Variants in AGBL4 observed in about 807,000 individuals in gnomAD.
AGBL4 encodes the protein cytosolic carboxypeptidase 6.
A neutral mutation model predicts 66.4 loss-of-function variants in AGBL4; 58 were observed. That is an observed-to-expected ratio of 0.87 (90% CI 0.71 to 1.09). The LOEUF (loss-of-function observed/expected upper bound fraction) is 1.09. Among genes scored for constraint, AGBL4 ranks in the 50% least tolerant of loss-of-function variants. The probability of loss-of-function intolerance (pLI) is 0.00; values close to 1 mark genes in which losing one functional copy is unlikely to be tolerated. For synonymous variants in AGBL4, 234 were observed against 222.9 expected, an observed-to-expected ratio of 1.05 and a Z score of -0.44; for missense variants, 579 against 631.0, an observed-to-expected ratio of 0.92 and a Z score of 0.88.
At chr1:49,950,144 ATGTG>A (rs1312557863) in intron 1 of AGBL4, among the ~76,000 whole-genome samples, 1 of 144,274 alleles carries the variant, frequency 6.9e-6, no homozygotes, top group Admixed American at 7.0e-5. Flanking sequence ...ATATACACAT[ATGTG>A]TATATATATA....
intron 3 of AGBL4, among the ~76,000 whole-genome samples, chr1:49,302,395 G>C (rs1399616393): frequency 1.3e-5 from 2 of 151,508 alleles, no homozygotes; most frequent in Non-Finnish European, 2.9e-5. Context: ...TGGGACTACA[G>C]GCATACACCA....
intron 3 of AGBL4, among the ~76,000 whole-genome samples, chr1:49,520,269 G>A (rs926831358): frequency 1.3e-5 from 2 of 151,880 alleles, no homozygotes; most frequent in African/African-American, 4.8e-5. Context: ...GCTTTCAAGA[G>A]CCTATGAAAA....
intron 2 of AGBL4, among the ~76,000 whole-genome samples, chr1:49,784,182 C>T (rs1644398725): frequency 6.6e-6 from 1 of 151,962 alleles, no homozygotes; most frequent in South Asian, 2.1e-4. Flanking sequence ...AATAACCTTG[C>T]AAAAGAAGAA....
rs1167029133 is a variant in AGBL4 at position 48,634,529 on chromosome 1, TC to T, written c.914del (p.Gly305GlufsTer2). 3.7e-6 allele frequency: 6 copies of T among 1,605,974 alleles called. No individual in the cohort carries two copies. Among genetic ancestry groups the T allele is most frequent in the Non-Finnish European group, 5.1e-6 (6 of 1,176,204 alleles). On this transcript the variant is annotated frameshift_variant, in exon 9 of 14. Transcript: ENST00000371839. LOFTEE classifies it high-confidence loss of function. The part of the protein sequence containing the change: ...PSPWVHPTLH[G>X]VKQLIVQMYN... ...ACATCTGGACGATGAGTTGTTTCAC[TC>T]CATGCAGGGTAGGATGGACCCATGG...
chr1:49,594,433 GT>G (rs1280174220), intron 3 of AGBL4, among the ~76,000 whole-genome samples: 4 of 152,140 alleles, frequency 2.6e-5, no homozygotes, highest in Non-Finnish European at 5.9e-5. Context: ...GCCATGGGTG[GT>G]TTGCTGCACC....
At chr1:49,757,259 G>C (rs1283297589) in intron 2 of AGBL4, among the ~76,000 whole-genome samples, 2 of 152,210 alleles carry the variant, frequency 1.3e-5, no homozygotes, top group Non-Finnish European at 2.9e-5. Context: ...GCAAAACTGA[G>C]AGTCAATTAA....
At chr1:48,722,763 G>A (rs933182197) in intron 6 of AGBL4, among the ~76,000 whole-genome samples, 4 of 152,116 alleles carry the variant, frequency 2.6e-5, no homozygotes, top group East Asian at 1.9e-4. Context: ...ATTCGAAGTC[G>A]GAGAGTAAGA....
chr1:48,732,710 C>T (rs1296276119), intron 6 of AGBL4, among the ~76,000 whole-genome samples: 5 of 152,078 alleles, frequency 3.3e-5, no homozygotes. Context: ...AGGTCAGAGG[C>T]GTCCCAAAGG....
intron 5 of AGBL4, among the ~76,000 whole-genome samples, chr1:48,881,385 T>A (rs905994130): frequency 1.3e-5 from 2 of 152,184 alleles, no homozygotes; most frequent in Admixed American, 1.3e-4. Context: ...GCTCACATAG[T>A]GAAAACTGAC....
At chr1:49,245,937 A>G in intron 3 of AGBL4, 73 bp from the exon 4 acceptor site, 2 of 1,168,374 alleles carry the variant, frequency 1.7e-6, no homozygotes, top group Admixed American at 2.0e-5. Context: ...AAGACAGGAA[A>G]TAAGAAACAG....
chr1:48,820,779 C>A (rs759388278), intron 6 of AGBL4, among the ~76,000 whole-genome samples: 11 of 152,086 alleles, frequency 7.2e-5, no homozygotes, highest in Admixed American at 6.6e-5. Flanking sequence ...GATAAAGTTT[C>A]TGCACAGCTA....
chr1:48,653,547 T>C lies in AGBL4; in HGVS notation c.725-96A>G, dbSNP rs144149931. The C allele has an allele frequency of 2.6e-4, 241 of 930,086 alleles. 2 individuals carry two copies. In the African/African-American group the frequency reaches 3.6e-3, roughly 14 times the overall value. 57.6% of individuals were successfully genotyped at this position (930,086 alleles called of 1,614,324 possible). A position where few individuals can be genotyped will look rare whatever the true frequency, so the allele number is the denominator to read the frequency against. On this transcript the variant is annotated intron_variant, in intron 7 of 13. Coordinates refer to ENST00000371839, the MANE Select transcript of AGBL4 (RefSeq NM_032785.4). ...TGGAAAACAAGAAGAGCTCAATAGG[T>C]GATTTTGGCCTGTGTTGTTATTGGC...
chr1:49,734,778 A>G (rs1415128110), intron 2 of AGBL4, among the ~76,000 whole-genome samples: 1 of 151,580 alleles, frequency 6.6e-6, no homozygotes, highest in Non-Finnish European at 1.5e-5. Context: ...TAAACTTTAT[A>G]TATATTAAAA....
chr1:48,647,062 C>T (rs1286944777), intron 8 of AGBL4, among the ~76,000 whole-genome samples: 1 of 152,188 alleles, frequency 6.6e-6, no homozygotes, highest in African/African-American at 2.4e-5. Flanking sequence ...AGGACCTCAA[C>T]AAACCTTAGT....
At chr1:49,371,420 C>T (rs560943429) in intron 3 of AGBL4, among the ~76,000 whole-genome samples, 3 of 152,064 alleles carry the variant, frequency 2.0e-5, no homozygotes, top group South Asian at 2.1e-4. Context: ...ACTGTACATA[C>T]GTCACACATA....
At chr1:49,699,304 T>C (rs542715343) in intron 2 of AGBL4, among the ~76,000 whole-genome samples, 1 of 152,192 alleles carries the variant, frequency 6.6e-6, no homozygotes, top group Non-Finnish European at 1.5e-5. Context: ...ATTCTTGTGA[T>C]GAGCATTCTC....
intron 2 of AGBL4, among the ~76,000 whole-genome samples, chr1:49,804,558 G>A (rs897648076): frequency 6.6e-6 from 1 of 152,124 alleles, no homozygotes. Context: ...GAAAAATCAT[G>A]TATTGAATTC....
chr1:48,944,394 A>C (rs1025139142), intron 5 of AGBL4, among the ~76,000 whole-genome samples: 1 of 152,216 alleles, frequency 6.6e-6, no homozygotes, highest in African/African-American at 2.4e-5. Context: ...TATCGCAGGC[A>C]TGAGCAGGGC....
At position 49,473,262 on chromosome 1, in the gene AGBL4, C is replaced by A. The variant is rs551049906; in HGVS notation, c.282+224051G>T. Among the ~76,000 whole-genome samples the A allele has an allele frequency of 2.6e-5, 4 of 152,184 alleles. No homozygotes were observed. In the South Asian group the frequency reaches 8.3e-4, roughly 32 times the overall value. ...CTGAACTAATTTACATTCATGCCAA[C>A]GGTGTATAAGTGTTCCTTTTCTTCA... On this transcript the variant is annotated intron_variant, in intron 3 of 13. Coordinates refer to ENST00000371839, the MANE Select transcript of AGBL4 (RefSeq NM_032785.4).
Sources: allele counts gnomAD v4.1 joint callset (sites outside exome capture counted in the v4.1 genomes callset), GRCh38; gene constraint gnomAD v4.1.1; transcripts MANE v1.5; gene names NCBI Gene and HGNC (gene_info 2026-07-23, HGNC 2026-07-21).